DSCAM: variants seen among roughly 807,000 people sequenced by gnomAD.
The protein encoded by DSCAM is cell adhesion molecule DSCAM.
In DSCAM, 47 loss-of-function variants were observed where a neutral mutation model predicts 217.7. The observed-to-expected ratio is 0.22, with a 90% CI of 0.17 to 0.28. The LOEUF is 0.28. Ranked by LOEUF, DSCAM falls within the 10% of genes least tolerant of loss-of-function variation. The pLI is 1.00. For missense variants in DSCAM, 2,080 were observed against 2,618.3 expected (o/e 0.79, Z 4.49); for synonymous variants, 1,056 against 1,015.3 (o/e 1.04, Z -0.76).
intron 1 of DSCAM, among the ~76,000 whole-genome samples, chr21:40,723,118 C>T (rs1474668722): frequency 6.7e-6 from 1 of 149,208 alleles, no homozygotes; most frequent in African/African-American, 2.5e-5. Flanking sequence ...TGCTAATTAC[C>T]ATTAGGGTAA....
intron 3 of DSCAM, among the ~76,000 whole-genome samples, chr21:40,495,449 T>C (rs532561729): frequency 3.3e-5 from 5 of 152,274 alleles, no homozygotes; most frequent in African/African-American, 1.2e-4. Context: ...TGCATCTCAA[T>C]AGATGCAGAA....
At chr21:40,797,834 G>A (rs781007809) in intron 1 of DSCAM, among the ~76,000 whole-genome samples, 1 of 151,846 alleles carries the variant, frequency 6.6e-6, no homozygotes, top group South Asian at 2.1e-4. Flanking sequence ...TAATACAGTT[G>A]TAAGGATCTG....
chr21:40,709,084 T>C (rs1402875770), intron 1 of DSCAM, among the ~76,000 whole-genome samples: 24 of 152,192 alleles, frequency 1.6e-4, no homozygotes. Flanking sequence ...TTGGACTGTA[T>C]ATATTTTATA....
chr21:40,250,729 A>G (rs1009978274), intron 11 of DSCAM, among the ~76,000 whole-genome samples: 4 of 152,102 alleles, frequency 2.6e-5, no homozygotes, highest in Non-Finnish European at 5.9e-5. Context: ...GACGTTCCCA[A>G]CCTCACTGCT....
intron 19 of DSCAM, among the ~76,000 whole-genome samples, chr21:40,127,717 A>G (rs1403002152): frequency 6.6e-6 from 1 of 152,140 alleles, no homozygotes; most frequent in Non-Finnish European, 1.5e-5. Context: ...CATCTCAGGA[A>G]ATGGCCCCAT....
intron 11 of DSCAM, among the ~76,000 whole-genome samples, chr21:40,246,943 AG>A (rs1476795615): frequency 6.6e-6 from 1 of 152,192 alleles, no homozygotes; most frequent in Non-Finnish European, 1.5e-5. Flanking sequence ...TTGGATTTAT[AG>A]CTCCATATGG....
chr21:40,768,843 A>T (rs1186254269), intron 1 of DSCAM, among the ~76,000 whole-genome samples: 1 of 152,236 alleles, frequency 6.6e-6, no homozygotes, highest in Non-Finnish European at 1.5e-5. Flanking sequence ...CGGATATAGC[A>T]TAGGGGTATG....
intron 8 of DSCAM, among the ~76,000 whole-genome samples, chr21:40,337,685 C>A (rs150368322): frequency 2.7e-4 from 41 of 152,266 alleles, no homozygotes; most frequent in African/African-American, 9.1e-4. Context: ...GAAGATAAGA[C>A]GTTTGTTTGA....
chr21:40,053,897 T>C (rs568332116), intron 29 of DSCAM, among the ~76,000 whole-genome samples: 10 of 152,328 alleles, frequency 6.6e-5, no homozygotes, highest in Admixed American at 4.6e-4. Context: ...GATTATTGTC[T>C]AGTGAGACGC....
At chr21:40,431,697 G>C (rs962699555) in intron 3 of DSCAM, among the ~76,000 whole-genome samples, 1 of 152,208 alleles carries the variant, frequency 6.6e-6, no homozygotes, top group Non-Finnish European at 1.5e-5. Flanking sequence ...TCAATCAACT[G>C]TTTATCAGTA....
chr21:40,618,287 A>G (rs111651708), intron 3 of DSCAM, among the ~76,000 whole-genome samples: 2,401 of 152,292 alleles, frequency 0.016, 55 homozygotes, highest in African/African-American at 0.055. Context: ...ACTGGGTAAA[A>G]TCCACTGATG....
chr21:40,758,493 G>T (rs1257757772), intron 1 of DSCAM, among the ~76,000 whole-genome samples: 11 of 140,296 alleles, frequency 7.8e-5, no homozygotes, highest in Non-Finnish European at 1.7e-4. Flanking sequence ...CTCCAGCCTG[G>T]GCGACAGAGC....
intron 3 of DSCAM, among the ~76,000 whole-genome samples, chr21:40,576,791 C>T (rs1056625828): frequency 6.6e-6 from 1 of 151,900 alleles, no homozygotes; most frequent in African/African-American, 2.4e-5. Context: ...ACGTAAGGTT[C>T]AAATAAATTA....
intron 3 of DSCAM, among the ~76,000 whole-genome samples, chr21:40,472,067 G>C (rs892931165): frequency 6.6e-6 from 1 of 152,160 alleles, no homozygotes; most frequent in Non-Finnish European, 1.5e-5. Flanking sequence ...CCAAAACAGA[G>C]ATATAGACCA....
At chr21:40,392,790 A>G (rs779920772) in intron 3 of DSCAM, among the ~76,000 whole-genome samples, 4 of 152,148 alleles carry the variant, frequency 2.6e-5, no homozygotes, top group Non-Finnish European at 4.4e-5. Context: ...AGTGAATATA[A>G]CCTCAGAAGC....
intron 11 of DSCAM, among the ~76,000 whole-genome samples, chr21:40,247,200 G>T (rs987405839): frequency 6.6e-6 from 1 of 152,084 alleles, no homozygotes; most frequent in Non-Finnish European, 1.5e-5. Context: ...GATTTGGTGG[G>T]GGGGCACAGC....
rs145863686 is a variant in DSCAM, at chr21:40,084,501, A to AACACACAC, written c.4133-503_4133-496dup. ...TTTCTAAGCTATTGCTCCAAGATGC[A>AACACACAC]ACACACACACACACACACACACACA... On this transcript the variant is annotated intron_variant, in intron 23 of 32. Coordinates refer to ENST00000400454, the MANE Select transcript of DSCAM (RefSeq NM_001389.5). Among the ~76,000 whole-genome samples the AACACACAC allele has an allele frequency of 3.2e-3, 443 of 137,772 alleles. 3 individuals are homozygous for AACACACAC. The highest frequency in any genetic ancestry group is 4.8e-3 in the East Asian group (21 of 4,330). 90.4% of individuals were successfully genotyped at this position (137,772 alleles called of 152,430 possible).
chr21:40,593,961 C>A (rs905177674), intron 3 of DSCAM, among the ~76,000 whole-genome samples: 2 of 152,170 alleles, frequency 1.3e-5, no homozygotes, highest in African/African-American at 4.8e-5. Flanking sequence ...GGTTAAATAG[C>A]ATATTTTGTT....
intron 18 of DSCAM, among the ~76,000 whole-genome samples, chr21:40,135,595 C>T (rs557492618): frequency 3.3e-5 from 5 of 152,256 alleles, no homozygotes; most frequent in Non-Finnish European, 7.4e-5. Context: ...CCAGATTAAA[C>T]GGGCTTTTGC....
Sources: allele counts gnomAD v4.1 joint callset (sites outside exome capture counted in the v4.1 genomes callset), GRCh38; gene constraint gnomAD v4.1.1; transcripts MANE v1.5; gene names NCBI Gene and HGNC (gene_info 2026-07-23, HGNC 2026-07-21).